DLGAP2: variants seen among roughly 807,000 people sequenced by gnomAD.
DLGAP2 encodes DLG associated protein 2, also known as disks large-associated protein 2.
Under a neutral mutation model 100.3 loss-of-function variants are expected in DLGAP2, and 26 were observed. The ratio of observed to expected loss-of-function variants is 0.26; its 90% CI spans 0.19 to 0.36. The LOEUF (loss-of-function observed/expected upper bound fraction) is 0.36, where lower values mean the gene tolerates loss of function less well. Among genes scored for constraint, DLGAP2 ranks in the 10% least tolerant of loss-of-function variants. DLGAP2 has a pLI of 1.00. For synonymous variants in DLGAP2, 886 were observed against 630.1 expected, an observed-to-expected ratio of 1.41 and a Z score of -6.08; for missense variants, 1,858 against 1,453.2, an observed-to-expected ratio of 1.28 and a Z score of -4.53.
chr8:996,627 T>A (rs774521916), intron 2 of DLGAP2, among the ~76,000 whole-genome samples: 3 of 152,200 alleles, frequency 2.0e-5, no homozygotes, highest in Non-Finnish European at 4.4e-5. Flanking sequence ...TATAAAAGGA[T>A]CTTTGCAGAA....
chr8:1,275,856 A>ATATATAAATAAATATATATAG (rs1799675940), intron 3 of DLGAP2, among the ~76,000 whole-genome samples: 1 of 95,560 alleles, frequency 1.0e-5, no homozygotes, highest in Non-Finnish European at 2.1e-5. Flanking sequence ...AATATATATA[A>ATATATAAATAAATATATATAG]TATATAAATA....
intron 2 of DLGAP2, among the ~76,000 whole-genome samples, chr8:1,191,173 A>AT (rs34977390): frequency 0.06 from 8,449 of 140,326 alleles, 564 homozygotes; most frequent in African/African-American, 0.16. Context: ...AAGTAGATAC[A>AT]TTTTTTTTTT....
At chr8:1,185,780 A>G (rs183752741) in intron 2 of DLGAP2, among the ~76,000 whole-genome samples, 2 of 151,908 alleles carry the variant, frequency 1.3e-5, no homozygotes, top group Non-Finnish European at 1.5e-5. Context: ...TCAGCAGTGC[A>G]GTAGGAACCA....
At chr8:1,172,722 C>G (rs563446193) in intron 2 of DLGAP2, among the ~76,000 whole-genome samples, 3 of 152,298 alleles carry the variant, frequency 2.0e-5, no homozygotes, top group East Asian at 3.9e-4. Context: ...CGAGCCTTGG[C>G]TTTCAGCTCC....
chr8:1,649,061 G>T (rs1024891721), intron 8 of DLGAP2, among the ~76,000 whole-genome samples: 1 of 152,152 alleles, frequency 6.6e-6, no homozygotes, highest in African/African-American at 2.4e-5. Flanking sequence ...ATCATTGCCT[G>T]TGACGCTTCA....
At chr8:1,486,783 A>T (rs138665674) in intron 3 of DLGAP2, among the ~76,000 whole-genome samples, 17 of 152,376 alleles carry the variant, frequency 1.1e-4, no homozygotes, top group African/African-American at 3.8e-4. Context: ...TGGCAACATG[A>T]GAATCATGCA....
Position 921,755 on chromosome 8 carries a change from G to A in DLGAP2, c.73+13789G>A, listed in dbSNP as rs898733097. Among the ~76,000 whole-genome samples, 6 of 152,258 alleles carry A rather than the reference G, an allele frequency of 3.9e-5. No homozygotes were observed. In the East Asian group the frequency reaches 7.7e-4, roughly 20 times the overall value. Reference sequence around the variant, plus strand: ...GGCTTCCCACTGCCAGTCCTGTCGGGCCGCCTCCCATTGAGCCACTGGCCA... The same window carrying A: ...GGCTTCCCACTGCCAGTCCTGTCGGACCGCCTCCCATTGAGCCACTGGCCA... On this transcript the variant is annotated intron_variant, in intron 2 of 14. Transcript: ENST00000637795.
intron 1 of DLGAP2, among the ~76,000 whole-genome samples, chr8:778,900 C>G (rs572059041): frequency 1.3e-5 from 2 of 152,250 alleles, no homozygotes; most frequent in Admixed American, 1.3e-4. Flanking sequence ...CTTTGTTTAC[C>G]TAAGCAAGCC....
chr8:1,592,062 T>G (rs1378715472), intron 6 of DLGAP2, among the ~76,000 whole-genome samples: 2 of 152,156 alleles, frequency 1.3e-5, no homozygotes, highest in Non-Finnish European at 2.9e-5. Flanking sequence ...GTCTCATTTA[T>G]CCCTTATCCA....
chr8:1,225,684 A>G (rs1798399569), intron 2 of DLGAP2, among the ~76,000 whole-genome samples: 5 of 152,266 alleles, frequency 3.3e-5, no homozygotes, highest in Admixed American at 3.3e-4. Flanking sequence ...TCTACTAGGT[A>G]CATACTACCA....
intron 3 of DLGAP2, among the ~76,000 whole-genome samples, chr8:1,319,946 AGC>A (rs1043615394): frequency 6.6e-6 from 1 of 152,130 alleles, no homozygotes; most frequent in African/African-American, 2.4e-5. Flanking sequence ...GCCAGGACTT[AGC>A]TTTAACCCAG....
At chr8:1,221,438 T>C (rs1027188663) in intron 2 of DLGAP2, among the ~76,000 whole-genome samples, 6 of 152,238 alleles carry the variant, frequency 3.9e-5, no homozygotes, top group African/African-American at 1.4e-4. Context: ...TAATCTCTTC[T>C]GGCTTGTAAG....
At chr8:1,143,371 T>C (rs886723155) in intron 2 of DLGAP2, among the ~76,000 whole-genome samples, 3 of 152,220 alleles carry the variant, frequency 2.0e-5, no homozygotes, top group East Asian at 1.9e-4. Context: ...TAGTTTACTG[T>C]TTCACCACTC....
intron 2 of DLGAP2, among the ~76,000 whole-genome samples, chr8:1,216,325 T>C (rs1283898472): frequency 6.6e-6 from 1 of 152,104 alleles, no homozygotes. Flanking sequence ...GGCATGTCCG[T>C]ACTTCAGGGA....
chr8:1,090,710 C>T (rs952627667), intron 2 of DLGAP2, among the ~76,000 whole-genome samples: 44 of 152,320 alleles, frequency 2.9e-4, no homozygotes, highest in African/African-American at 1.0e-3. Context: ...GACTCCAGGG[C>T]ACCCTGGGGT....
At chr8:1,647,474 G>C (rs1295191583) in intron 8 of DLGAP2, among the ~76,000 whole-genome samples, 1 of 94,490 alleles carries the variant, frequency 1.1e-5, no homozygotes, top group Non-Finnish European at 2.0e-5. Flanking sequence ...GGGAGACAGA[G>C]AGAGACTCTG....
intron 2 of DLGAP2, among the ~76,000 whole-genome samples, chr8:911,517 G>A (rs890651458): frequency 1.3e-5 from 2 of 151,070 alleles, no homozygotes; most frequent in African/African-American, 4.9e-5. Context: ...TGTAATATAT[G>A]TTGGAAAGAC....
chr8:1,305,718 T>A (rs1202585066), intron 3 of DLGAP2, among the ~76,000 whole-genome samples: 2 of 152,210 alleles, frequency 1.3e-5, no homozygotes, highest in East Asian at 3.9e-4. Flanking sequence ...ACATACTGTG[T>A]ACCACCTAAA....
intron 8 of DLGAP2, among the ~76,000 whole-genome samples, chr8:1,655,365 C>A (rs1798259778): frequency 6.6e-6 from 1 of 152,204 alleles, no homozygotes; most frequent in African/African-American, 2.4e-5. Context: ...ACTGTAATTC[C>A]TTTTATGCTA....
Sources: allele counts gnomAD v4.1 joint callset (sites outside exome capture counted in the v4.1 genomes callset), GRCh38; gene constraint gnomAD v4.1.1; transcripts MANE v1.5; gene names NCBI Gene and HGNC (gene_info 2026-07-23, HGNC 2026-07-21).